GCNT4: variants seen among roughly 807,000 people sequenced by gnomAD.
The protein encoded by GCNT4 is beta-1,3-galactosyl-O-glycosyl-glycoprotein beta-1,6-N-acetylglucosaminyltransferase 4.
GCNT4 carries 17 observed loss-of-function variants against 31.3 expected under a neutral mutation model. The observed-to-expected ratio is 0.54, with a 90% CI of 0.37 to 0.81. The LOEUF (loss-of-function observed/expected upper bound fraction) is 0.81, where lower values mean the gene tolerates loss of function less well. GCNT4 is among the 40% of genes least tolerant of loss of function. GCNT4 has a pLI of 0.00. For synonymous variants in GCNT4, 158 were observed against 190.6 expected (o/e 0.83, Z 1.41); for missense variants, 503 against 525.5 (o/e 0.96, Z 0.42).
intron 3 of GCNT4, among the ~76,000 whole-genome samples, chr5:75,047,076 A>G (rs1381873132): frequency 1.3e-5 from 2 of 152,198 alleles, no homozygotes; most frequent in Admixed American, 1.3e-4. Flanking sequence ...CTACATTTTT[A>G]TAATTTCCTA....
chr5:75,042,369 G>C (rs1743340128), intron 3 of GCNT4, among the ~76,000 whole-genome samples: 1 of 152,078 alleles, frequency 6.6e-6, no homozygotes, highest in African/African-American at 2.4e-5. Flanking sequence ...TATCTACATG[G>C]TATGCTTTTT....
intron 2 of GCNT4, among the ~76,000 whole-genome samples, chr5:75,050,695 A>C (rs1358343071): frequency 6.6e-6 from 1 of 151,968 alleles, no homozygotes; most frequent in African/African-American, 2.4e-5. Flanking sequence ...ACCCAAGCTT[A>C]GAGGGAGTCA....
intron 3 of GCNT4, among the ~76,000 whole-genome samples, chr5:75,031,590 T>A (rs931739696): frequency 1.3e-4 from 20 of 152,162 alleles, no homozygotes; most frequent in Admixed American, 1.3e-3. Flanking sequence ...AAGGATATTG[T>A]ATACACACAA....
chr5:75,045,736 G>C (rs1400675661), intron 3 of GCNT4, among the ~76,000 whole-genome samples: 2 of 152,188 alleles, frequency 1.3e-5, no homozygotes, highest in East Asian at 1.9e-4. Context: ...CCATGTGCTA[G>C]GGAGGCACTG....
At chr5:75,022,041 A>AT (rs1343414278), downstream of GCNT4, among the ~76,000 whole-genome samples, 1 of 152,074 alleles carries the variant, frequency 6.6e-6, no homozygotes, top group African/African-American at 2.4e-5. Flanking sequence ...AGAGTTCATA[A>AT]TTTTTTTCCC....
chr5:75,041,687 C>A (rs1580243629), intron 3 of GCNT4, among the ~76,000 whole-genome samples: 1 of 151,792 alleles, frequency 6.6e-6, no homozygotes, highest in South Asian at 2.1e-4. Context: ...AGCAATGTAA[C>A]AACAACAACA....
chr5:75,049,142 T>TAC (rs56250515), intron 2 of GCNT4, among the ~76,000 whole-genome samples: 3 of 722 alleles, frequency 4.2e-3, no homozygotes, highest in African/African-American at 0.059. Context: ...TGATTAAGAT[T>TAC]GTTCTTTTTA....
At chr5:75,035,425 T>G (rs1008103152) in intron 3 of GCNT4, among the ~76,000 whole-genome samples, 1 of 152,186 alleles carries the variant, frequency 6.6e-6, no homozygotes, top group Non-Finnish European at 1.5e-5. Flanking sequence ...AGGAACAGGT[T>G]GTGGGGCACT....
At chr5:75,050,712 A>ACTCTCACACCCTACACAAAACTCATCTG (rs557208605) in intron 2 of GCNT4, among the ~76,000 whole-genome samples, 3 of 152,072 alleles carry the variant, frequency 2.0e-5, no homozygotes, top group South Asian at 2.1e-4. Flanking sequence ...GTCACGCTGC[A>ACTCTCACACCCTACACAAAACTCATCTG]CTCTCACACC....
intron 2 of GCNT4, among the ~76,000 whole-genome samples, chr5:75,050,016 G>A (rs1743532762): frequency 6.6e-6 from 1 of 152,216 alleles, no homozygotes; most frequent in Admixed American, 6.5e-5. Flanking sequence ...TGTAGAGCAC[G>A]TACCCCTTAG....
At chr5:75,046,602 A>T (rs1300012184) in intron 3 of GCNT4, among the ~76,000 whole-genome samples, 1 of 152,170 alleles carries the variant, frequency 6.6e-6, no homozygotes, top group African/African-American at 2.4e-5. Flanking sequence ...TGACTGGACA[A>T]GCCCGGGCAC....
At position 75,028,174 on chromosome 5, in the gene GCNT4, C is replaced by G. The variant is rs1190569780; in HGVS notation, c.*502G>C. 1 of 153,768 alleles carries G rather than the reference C, an allele frequency of 6.5e-6. No homozygotes were observed. The highest frequency in any genetic ancestry group is 1.5e-5 in the Non-Finnish European group (1 of 68,954). The allele number at this position is 153,768 out of a possible 1,614,324, so 9.5% of individuals were successfully genotyped here. A position where few individuals can be genotyped will look rare whatever the true frequency, so the allele number is the denominator to read the frequency against. ...GAGGTAGTGAGTCTTTCCTCCTCTG[C>G]TCTGATGGTTAAGAAATGTCTTGAA... On this transcript the variant is annotated 3_prime_UTR_variant, in exon 4 of 4. Transcript: ENST00000652361.
At chr5:75,022,708 A>T (rs1438980182), downstream of GCNT4, among the ~76,000 whole-genome samples, 1 of 152,208 alleles carries the variant, frequency 6.6e-6, no homozygotes, top group African/African-American at 2.4e-5. Flanking sequence ...GCTGTTAGTA[A>T]TAGAGACTTG....
At chr5:75,039,081 T>G (rs1274704838) in intron 3 of GCNT4, among the ~76,000 whole-genome samples, 1 of 151,726 alleles carries the variant, frequency 6.6e-6, no homozygotes, top group African/African-American at 2.4e-5. Context: ...TGTTTTTTTT[T>G]GTTTTGTTTT....
chr5:75,021,450 T>A (rs765095461), downstream of GCNT4, among the ~76,000 whole-genome samples: 9 of 152,124 alleles, frequency 5.9e-5, no homozygotes, highest in Non-Finnish European at 1.2e-4. Context: ...CCAGCTTGGG[T>A]CACGTGACCA....
In GCNT4 at chr5:75,029,282, C is replaced by A; in HGVS notation, c.756G>T (p.Leu252Phe). ...TACTGTTTGGGGGTTTCACCGTCTCCAACATATTTGCTCCATTGAGTTTTT... is the reference window on the plus strand; with the variant it reads ...TACTGTTTGGGGGTTTCACCGTCTCAAACATATTTGCTCCATTGAGTTTTT... ...ELKKLNGANM[L>F]ETVKPPNSKL... The change falls in exon 4 of 4, where the codon TTG becomes TTT. Residue 252 changes from leucine (L) to phenylalanine (F), a missense_variant. Coordinates refer to ENST00000652361, the MANE Select transcript of GCNT4 (RefSeq NM_001366737.1). The A allele has an allele frequency of 6.2e-7, 1 of 1,614,080 alleles. No individual in the cohort carries two copies. Among genetic ancestry groups the A allele is most frequent in the Non-Finnish European group, 8.5e-7 (1 of 1,180,004 alleles).
At chr5:75,023,388 T>C (rs1742903351), downstream of GCNT4, among the ~76,000 whole-genome samples, 1 of 152,094 alleles carries the variant, frequency 6.6e-6, no homozygotes, top group African/African-American at 2.4e-5. Context: ...ATAACAAACA[T>C]ACATGAAAAA....
At chr5:75,046,536 G>A (rs1743443317) in intron 3 of GCNT4, among the ~76,000 whole-genome samples, 1 of 152,156 alleles carries the variant, frequency 6.6e-6, no homozygotes, top group Non-Finnish European at 1.5e-5. Flanking sequence ...CATGAGAAAT[G>A]TCAGGGCTTG....
chr5:75,047,392 T>C (rs1361413115), intron 3 of GCNT4, among the ~76,000 whole-genome samples: 1 of 152,232 alleles, frequency 6.6e-6, no homozygotes, highest in Non-Finnish European at 1.5e-5. Context: ...AGGGAGCACA[T>C]GGCATCAAAA....
Sources: allele counts gnomAD v4.1 joint callset (sites outside exome capture counted in the v4.1 genomes callset), GRCh38; gene constraint gnomAD v4.1.1; transcripts MANE v1.5; gene names NCBI Gene and HGNC (gene_info 2026-07-23, HGNC 2026-07-21).